The following EYS variants were observed in gnomAD, a reference collection of about 807,000 sequenced individuals.
EYS encodes the protein protein eyes shut homolog.
In EYS, 250 loss-of-function variants were observed where a neutral mutation model predicts 282.1. That is an observed-to-expected ratio of 0.89 (90% CI 0.80 to 0.98). The LOEUF is 0.98. Ranked by LOEUF, EYS falls within the 50% of genes least tolerant of loss-of-function variation. The pLI is 0.00. For synonymous variants in EYS, 1,355 were observed against 1,282.9 expected, an observed-to-expected ratio of 1.06 and a Z score of -1.20; for missense variants, 4,016 against 3,709.0, an observed-to-expected ratio of 1.08 and a Z score of -2.15.
In EYS at chr6:65,356,379, T is replaced by C. The variant is rs1193162022; in HGVS notation, c.1300-2762A>G. On this transcript the variant is annotated intron_variant, in intron 8 of 42. Transcript: ENST00000503581. Reference sequence around the variant, plus strand: ...CTGCCACTCAGGAGCTAAGGAACCATTTAAAAATGAGACATTAAGTATTCT... The same window carrying C: ...CTGCCACTCAGGAGCTAAGGAACCACTTAAAAATGAGACATTAAGTATTCT... Among the ~76,000 whole-genome samples the C allele has an allele frequency of 2.0e-5, 3 of 152,112 alleles. No individual in the cohort carries two copies. The East Asian group carries it at 5.8e-4, about 29-fold the overall frequency.
intron 7 of EYS, among the ~76,000 whole-genome samples, chr6:65,397,340 A>C (rs1766316777): frequency 6.6e-6 from 1 of 151,852 alleles, no homozygotes; most frequent in Non-Finnish European, 1.5e-5. Context: ...CATTTTACCC[A>C]ATAGTTCATA....
intron 12 of EYS, among the ~76,000 whole-genome samples, chr6:65,281,875 A>T (rs942067407): frequency 2.0e-5 from 3 of 152,022 alleles, no homozygotes; most frequent in Non-Finnish European, 2.9e-5. Context: ...TTCTAATTTT[A>T]TTTAGTATTT....
intron 13 of EYS, among the ~76,000 whole-genome samples, chr6:65,033,406 T>G (rs999834410): frequency 6.6e-6 from 1 of 152,128 alleles, no homozygotes; most frequent in African/African-American, 2.4e-5. Flanking sequence ...TTCAGAGACC[T>G]TCATGGCAGT....
chr6:65,153,826 G>C (rs1349314104), intron 12 of EYS, among the ~76,000 whole-genome samples: 1 of 151,752 alleles, frequency 6.6e-6, no homozygotes, highest in Admixed American at 6.6e-5. Flanking sequence ...ATGATTTGTT[G>C]CACTCTCTGG....
At chr6:64,030,946 G>T (rs545575186) in intron 33 of EYS, among the ~76,000 whole-genome samples, 19 of 152,228 alleles carry the variant, frequency 1.2e-4, no homozygotes, top group Non-Finnish European at 2.6e-4. Context: ...GCGGTCATCG[G>T]CCAAATTCCC....
At chr6:63,977,084 T>C (rs1766871166) in intron 35 of EYS, among the ~76,000 whole-genome samples, 1 of 151,764 alleles carries the variant, frequency 6.6e-6, no homozygotes, top group Non-Finnish European at 1.5e-5. Context: ...GTTTTAAAAA[T>C]GGATACACAA....
At chr6:63,765,588 T>G (rs1429340443) in intron 40 of EYS, among the ~76,000 whole-genome samples, 2 of 151,944 alleles carry the variant, frequency 1.3e-5, no homozygotes, top group African/African-American at 2.4e-5. Context: ...TGTGTGATGA[T>G]CACATCATGG....
chr6:65,162,524 T>C (rs998551980), intron 12 of EYS, among the ~76,000 whole-genome samples: 13 of 151,210 alleles, frequency 8.6e-5, no homozygotes, highest in African/African-American at 2.4e-4. Context: ...ATATAGTACA[T>C]TACATACAAC....
intron 22 of EYS, among the ~76,000 whole-genome samples, chr6:64,671,012 AT>A (rs1769439738): frequency 6.6e-6 from 1 of 151,580 alleles, no homozygotes; most frequent in African/African-American, 2.4e-5. Context: ...CAGACCTACT[AT>A]TTCCTCCTCC....
chr6:64,314,587 A>G (rs1430969375), intron 29 of EYS, among the ~76,000 whole-genome samples: 2 of 152,216 alleles, frequency 1.3e-5, no homozygotes, highest in Admixed American at 1.3e-4. Flanking sequence ...ACAGTCTCTC[A>G]AACCATGGTG....
At chr6:64,628,534 A>G (rs1233980487) in intron 22 of EYS, among the ~76,000 whole-genome samples, 2 of 152,116 alleles carry the variant, frequency 1.3e-5, no homozygotes, top group Non-Finnish European at 1.5e-5. Context: ...TCAGCCTCCC[A>G]CATAGGACTA....
rs560458992 is a variant in EYS, at chr6:63,733,899, C to T, written c.8072-7219G>A. Among the ~76,000 whole-genome samples the T allele has an allele frequency of 2.0e-5, 3 of 152,240 alleles. No individual in the cohort carries two copies. In the South Asian group the frequency reaches 6.2e-4, roughly 32 times the overall value. The stretch of plus-strand genomic sequence containing the variant: ...ACTGGCTTCTTGCTCCAAAGGAAGA[C>T]ATTATCCCTGTCTTCCAAGAATATT... On this transcript the variant is annotated intron_variant, in intron 41 of 42. Coordinates refer to ENST00000503581, the MANE Select transcript of EYS (RefSeq NM_001142800.2).
chr6:65,077,504 C>A (rs1479735618), intron 12 of EYS, among the ~76,000 whole-genome samples: 1 of 151,956 alleles, frequency 6.6e-6, no homozygotes, highest in Non-Finnish European at 1.5e-5. Flanking sequence ...AATATAAACG[C>A]AAATAAATGC....
chr6:64,422,245 C>T (rs1409481134), intron 28 of EYS, among the ~76,000 whole-genome samples: 8 of 152,040 alleles, frequency 5.3e-5, no homozygotes, highest in South Asian at 4.2e-4. Context: ...TCATGTTACT[C>T]GAAACATGTT....
chr6:65,118,560 A>G (rs1439444623), intron 12 of EYS, among the ~76,000 whole-genome samples: 1 of 152,142 alleles, frequency 6.6e-6, no homozygotes, highest in East Asian at 1.9e-4. Flanking sequence ...AGCTGGCTGG[A>G]TATCCCACCT....
At chr6:64,208,039 T>C (rs1183703154) in intron 31 of EYS, among the ~76,000 whole-genome samples, 4 of 152,220 alleles carry the variant, frequency 2.6e-5, no homozygotes, top group African/African-American at 9.6e-5. Context: ...GTCATTCTTC[T>C]GATCTAAATA....
At chr6:64,499,162 C>A (rs1420248677) in intron 26 of EYS, among the ~76,000 whole-genome samples, 1 of 152,042 alleles carries the variant, frequency 6.6e-6, no homozygotes, top group Non-Finnish European at 1.5e-5. Flanking sequence ...TTCTAACTGG[C>A]GTGAGATGGT....
intron 26 of EYS, among the ~76,000 whole-genome samples, chr6:64,498,875 C>T (rs753878302): frequency 6.6e-6 from 1 of 152,120 alleles, no homozygotes; most frequent in Non-Finnish European, 1.5e-5. Context: ...TTAGTGGGCA[C>T]TGGGTTGGTT....
At chr6:65,500,170 C>T (rs1766398477) in intron 2 of EYS, among the ~76,000 whole-genome samples, 1 of 151,866 alleles carries the variant, frequency 6.6e-6, no homozygotes, top group Non-Finnish European at 1.5e-5. Flanking sequence ...TGCACACACC[C>T]AGTTAGGCTT....
Sources: gnomAD v4.1 joint callset for allele counts (sites outside exome capture counted in the v4.1 genomes callset) on GRCh38, gnomAD v4.1.1 for gene constraint, MANE v1.5 for transcripts, NCBI Gene and HGNC (gene_info 2026-07-23, HGNC 2026-07-21) for gene names.